The following SAMMSON variants were observed in gnomAD, a reference collection of about 807,000 sequenced individuals.
The protein encoded by SAMMSON is long intergenic non-protein coding RNA 1212.
chr3:70,051,244 T>C (rs573273611), intron 3 of SAMMSON, among the ~76,000 whole-genome samples: 1 of 145,134 alleles, frequency 6.9e-6, no homozygotes, highest in Non-Finnish European at 1.5e-5. Context: ...TTCAAGAAAA[T>C]CTTTTGGAGG....
At chr3:70,355,790 GAGGTAAACGGCACACTC>G (rs1043465123) in intron 8 of SAMMSON, among the ~76,000 whole-genome samples, 10 of 152,256 alleles carry the variant, frequency 6.6e-5, no homozygotes, top group Non-Finnish European at 1.3e-4. Flanking sequence ...GAGAAGTGGA[GAGGTAAACGGCACACTC>G]AGGCACATTG....
chr3:70,384,426 G>C (rs1478529939), intron 9 of SAMMSON, among the ~76,000 whole-genome samples: 3 of 151,936 alleles, frequency 2.0e-5, no homozygotes, highest in African/African-American at 7.3e-5. Context: ...GAATCAGAGA[G>C]GTAAATATAG....
chr3:70,058,255 C>T (rs1322978525), intron 3 of SAMMSON, among the ~76,000 whole-genome samples: 1 of 151,908 alleles, frequency 6.6e-6, no homozygotes, highest in Non-Finnish European at 1.5e-5. Context: ...CAAAAGGATC[C>T]TGCCATCATG....
At chr3:70,031,067 C>G (rs890927827) in intron 3 of SAMMSON, among the ~76,000 whole-genome samples, 7 of 152,118 alleles carry the variant, frequency 4.6e-5, no homozygotes, top group African/African-American at 1.7e-4. Flanking sequence ...GAATTAAAAA[C>G]AAGGACTCAA....
chr3:70,427,695 G>A (rs1413130203), intron 2 of SAMMSON, among the ~76,000 whole-genome samples: 6 of 144,416 alleles, frequency 4.2e-5, no homozygotes, highest in African/African-American at 1.3e-4. Context: ...TCGAGATCGC[G>A]CCACTGCGCT....
chr3:70,337,025 T>TAA (rs1559566651), intron 7 of SAMMSON, among the ~76,000 whole-genome samples: 5 of 134,334 alleles, frequency 3.7e-5, no homozygotes, highest in African/African-American at 1.3e-4. Flanking sequence ...ATTATTATTA[T>TAA]TAATAATAAT....
intron 4 of SAMMSON, among the ~76,000 whole-genome samples, chr3:70,202,751 C>T (rs2106721221): frequency 6.6e-6 from 1 of 152,226 alleles, no homozygotes; most frequent in African/African-American, 2.4e-5. Flanking sequence ...GACATGGAGG[C>T]TGTGATGAGC....
chr3:70,237,590 T>C (rs1701622313), intron 4 of SAMMSON, among the ~76,000 whole-genome samples: 1 of 152,224 alleles, frequency 6.6e-6, no homozygotes, highest in African/African-American at 2.4e-5. Flanking sequence ...CTAATGTTTT[T>C]ATACTCCCAC....
chr3:70,337,155 TA>T (rs1702670990), intron 7 of SAMMSON, among the ~76,000 whole-genome samples: 1 of 64,892 alleles, frequency 1.5e-5, no homozygotes, highest in Admixed American at 1.6e-4. Context: ...TTATTAATAA[TA>T]ATATCTAACT....
chr3:70,177,104 A>T (rs1055578351), intron 4 of SAMMSON, among the ~76,000 whole-genome samples: 1 of 152,248 alleles, frequency 6.6e-6, no homozygotes, highest in African/African-American at 2.4e-5. Flanking sequence ...TGTTAATCCA[A>T]ACAACTAGAG....
In SAMMSON at chr3:70,355,777, TAGG is replaced by T. The variant is rs141508690; in HGVS notation, n.842+1503_842+1505del. ...TCCACTGAACACTCAGCATAAGGAG[TAGG>T]AGAAGTGGAGAGGTAAACGGCACAC... On this transcript the variant is annotated intron_variant and non_coding_transcript_variant, in intron 8 of 9. Transcript: ENST00000642114. 4.6e-3 allele frequency among the ~76,000 whole-genome samples: 700 copies of T among 151,910 alleles called. 18 individuals are homozygous for T. The East Asian group carries it at 0.074, about 16-fold the overall frequency.
chr3:70,182,034 A>G (rs1701056697), intron 4 of SAMMSON, among the ~76,000 whole-genome samples: 1 of 152,124 alleles, frequency 6.6e-6, no homozygotes, highest in Admixed American at 6.5e-5. Flanking sequence ...CACTGGCAGG[A>G]TGAAATGAAT....
chr3:70,278,395 G>T (rs1037551843), intron 6 of SAMMSON, among the ~76,000 whole-genome samples: 2 of 152,036 alleles, frequency 1.3e-5, no homozygotes, highest in Non-Finnish European at 2.9e-5. Flanking sequence ...ACATTTTTTG[G>T]TTGACATAAA....
chr3:70,185,354 AG>A (rs1227805685), intron 4 of SAMMSON, among the ~76,000 whole-genome samples: 2 of 152,112 alleles, frequency 1.3e-5, no homozygotes, highest in Admixed American at 6.5e-5. Context: ...GTCCACTAAA[AG>A]TTTCATACGG....
At position 70,166,998 on chromosome 3, in the gene SAMMSON, G is replaced by A. The variant is rs572271238; in HGVS notation, n.508-82109G>A. 5.9e-5 allele frequency among the ~76,000 whole-genome samples: 9 copies of A among 152,006 alleles called. No individual in the cohort carries two copies. The South Asian group carries it at 1.9e-3, about 32-fold the overall frequency. On this transcript the variant is annotated intron_variant and non_coding_transcript_variant, in intron 4 of 9. Coordinates refer to ENST00000642114, the Ensembl canonical transcript of SAMMSON. Reference sequence around the variant, plus strand: ...TAAGCCTCAAATGTAAGCTACACAAGTAATCTAAAATTTTATAGTAGTTAC... The same window carrying A: ...TAAGCCTCAAATGTAAGCTACACAAATAATCTAAAATTTTATAGTAGTTAC...
intron 4 of SAMMSON, among the ~76,000 whole-genome samples, chr3:70,119,709 A>G (rs1431780664): frequency 6.6e-6 from 1 of 152,166 alleles, no homozygotes; most frequent in Non-Finnish European, 1.5e-5. Context: ...AAGATTCCTC[A>G]TAGTGAGAAA....
At chr3:70,397,327 C>G (rs747255932) in intron 2 of SAMMSON, among the ~76,000 whole-genome samples, 3 of 151,784 alleles carry the variant, frequency 2.0e-5, no homozygotes, top group Non-Finnish European at 4.4e-5. Flanking sequence ...TTTTTTGGGA[C>G]GGGGTCTCAC....
rs62256478 is a variant in SAMMSON, at chr3:70,274,094, C to T, written n.675-17085C>T. ...GTGTGTGTGTGTGTGTGTGTGTGCG[C>T]GCGCGCATGTGTGTGTGTGAGACTG... On this transcript the variant is annotated intron_variant and non_coding_transcript_variant, in intron 6 of 9. Coordinates refer to ENST00000642114, the Ensembl canonical transcript of SAMMSON. Among the ~76,000 whole-genome samples, 123 of 51,220 alleles carry T rather than the reference C, an allele frequency of 2.4e-3. 1 individual carries two copies. The highest frequency in any genetic ancestry group is 0.011 in the Middle Eastern group (1 of 92). The allele number at this position is 51,220 out of a possible 152,430, so 33.6% of individuals were successfully genotyped here.
chr3:70,137,645 C>T (rs2067511385), intron 4 of SAMMSON: 1 of 152,100 alleles, frequency 6.6e-6, no homozygotes, highest in South Asian at 2.1e-4. Flanking sequence ...AATGGAAATA[C>T]AATGCAAACC....
Sources: allele counts gnomAD v4.1 joint callset (sites outside exome capture counted in the v4.1 genomes callset), GRCh38; gene constraint gnomAD v4.1.1; transcripts MANE v1.5; gene names NCBI Gene and HGNC (gene_info 2026-07-23, HGNC 2026-07-21).